NTM: variants seen among roughly 807,000 people sequenced by gnomAD.
The protein encoded by NTM is neurotrimin, also known as IgLON family member 2.
In NTM, 13 loss-of-function variants were observed where a neutral mutation model predicts 42.1. That is an observed-to-expected ratio of 0.31 (90% CI 0.20 to 0.49). The LOEUF (loss-of-function observed/expected upper bound fraction) is 0.49. Among genes scored for constraint, NTM ranks in the 20% least tolerant of loss-of-function variants. NTM has a pLI of 0.99. For missense variants in NTM, 373 were observed against 452.8 expected, an observed-to-expected ratio of 0.82 and a Z score of 1.60; for synonymous variants, 187 against 179.2, an observed-to-expected ratio of 1.04 and a Z score of -0.35.
intron 8 of NTM, among the ~76,000 whole-genome samples, chr11:132,331,445 G>C (rs1469181573): frequency 1.3e-5 from 2 of 152,182 alleles, no homozygotes; most frequent in African/African-American, 4.8e-5. Context: ...GGAAATTGAG[G>C]TAAGGCAGAG....
chr11:132,156,009 A>G (rs554671036), intron 3 of NTM, among the ~76,000 whole-genome samples: 1 of 152,160 alleles, frequency 6.6e-6, no homozygotes, highest in Non-Finnish European at 1.5e-5. Flanking sequence ...AAAATAATAA[A>G]GTCTTTTGAA....
intron 1 of NTM, among the ~76,000 whole-genome samples, chr11:131,564,385 C>T (rs943956771): frequency 3.2e-4 from 48 of 152,270 alleles, no homozygotes; most frequent in African/African-American, 1.1e-3. Flanking sequence ...CTCTTCCTGG[C>T]TTGCAGACAG....
intron 1 of NTM, among the ~76,000 whole-genome samples, chr11:131,816,982 T>C (rs2092979298): frequency 6.6e-6 from 1 of 152,240 alleles, no homozygotes; most frequent in Non-Finnish European, 1.5e-5. Context: ...CTGAAATTTT[T>C]AACTATTTCC....
intron 4 of NTM, among the ~76,000 whole-genome samples, chr11:132,240,944 T>G (rs2090086715): frequency 6.6e-6 from 1 of 152,210 alleles, no homozygotes; most frequent in African/African-American, 2.4e-5. Flanking sequence ...ACTGACATGA[T>G]ATCACAAATG....
chr11:132,298,686 A>G (rs1591825682), intron 4 of NTM, among the ~76,000 whole-genome samples: 1 of 152,222 alleles, frequency 6.6e-6, no homozygotes, highest in African/African-American at 2.4e-5. Flanking sequence ...ATATGAAGCT[A>G]ATTATTATTC....
intron 2 of NTM, among the ~76,000 whole-genome samples, chr11:132,022,328 A>G (rs190841985): frequency 5.3e-4 from 80 of 152,344 alleles, no homozygotes; most frequent in Non-Finnish European, 8.5e-4. Context: ...GTTTTCTTGG[A>G]CAGAATATTT....
At position 132,273,618 on chromosome 11, in the gene NTM, T is replaced by C. The variant is rs114994739; in HGVS notation, c.527-34071T>C. ...AAGTCCTATTTTGATTTTTAAAATA[T>C]CTCCTTGGCTGGGCGTGGTGGCTCA... On this transcript the variant is annotated intron_variant, in intron 4 of 8. Coordinates refer to ENST00000683400, the MANE Select transcript of NTM (RefSeq NM_001352005.2). Among the ~76,000 whole-genome samples the C allele has an allele frequency of 6.9e-3, 1,043 of 152,180 alleles. 15 individuals carry two copies. Among genetic ancestry groups the C allele is most frequent in the African/African-American group, 0.024 (1,004 of 41,528 alleles).
intron 1 of NTM, among the ~76,000 whole-genome samples, chr11:131,711,149 G>C (rs888268796): frequency 6.6e-6 from 1 of 152,152 alleles, no homozygotes; most frequent in Non-Finnish European, 1.5e-5. Flanking sequence ...TTAAACTAAA[G>C]CGCTTCTGCA....
chr11:131,472,487 ATGTGTG>A (rs907868919), intron 1 of NTM, among the ~76,000 whole-genome samples: 1 of 151,952 alleles, frequency 6.6e-6, no homozygotes, highest in Non-Finnish European at 1.5e-5. Flanking sequence ...ATGTGTGTGA[ATGTGTG>A]TGTGTGAGTG....
At chr11:132,090,815 G>T (rs1243740451) in intron 2 of NTM, among the ~76,000 whole-genome samples, 1 of 152,098 alleles carries the variant, frequency 6.6e-6, no homozygotes, top group Admixed American at 6.6e-5. Flanking sequence ...CTCCACTCCA[G>T]AAAAAATTCA....
chr11:131,785,974 T>C (rs1157073837), intron 1 of NTM, among the ~76,000 whole-genome samples: 3 of 152,178 alleles, frequency 2.0e-5, no homozygotes, highest in Non-Finnish European at 2.9e-5. Flanking sequence ...ATGCTTTAGA[T>C]ACCAGATGGA....
intron 1 of NTM, among the ~76,000 whole-genome samples, chr11:131,731,570 C>T (rs79566319): frequency 0.022 from 3,367 of 152,204 alleles, 129 homozygotes; most frequent in African/African-American, 0.076. Flanking sequence ...AGGTCATGGC[C>T]GGGGCACCAA....
At chr11:131,799,730 G>A (rs568930578) in intron 1 of NTM, among the ~76,000 whole-genome samples, 1 of 152,318 alleles carries the variant, frequency 6.6e-6, no homozygotes, top group East Asian at 1.9e-4. Flanking sequence ...GGGCACAGGA[G>A]AGGACCTATA....
intron 1 of NTM, among the ~76,000 whole-genome samples, chr11:131,821,198 T>C (rs528347105): frequency 6.6e-6 from 1 of 152,312 alleles, no homozygotes; most frequent in African/African-American, 2.4e-5. Flanking sequence ...CTATCCCAGG[T>C]ACCTAAGCTG....
At chr11:131,742,471 A>G (rs2081313824) in intron 1 of NTM, among the ~76,000 whole-genome samples, 1 of 152,170 alleles carries the variant, frequency 6.6e-6, no homozygotes, top group Admixed American at 6.5e-5. Flanking sequence ...AATACAGATA[A>G]AAAGCATACA....
At chr11:131,853,224 AT>A (rs1463806898) in intron 1 of NTM, among the ~76,000 whole-genome samples, 1 of 151,964 alleles carries the variant, frequency 6.6e-6, no homozygotes, top group African/African-American at 2.4e-5. Context: ...TAAGCAGACT[AT>A]TTCTTTTTTT....
At chr11:131,445,300 C>T (rs1053882297) in intron 1 of NTM, among the ~76,000 whole-genome samples, 7 of 152,216 alleles carry the variant, frequency 4.6e-5, no homozygotes, top group African/African-American at 1.7e-4. Context: ...ACACTATCAG[C>T]ACCCACTGAC....
intron 5 of NTM, among the ~76,000 whole-genome samples, chr11:132,308,599 A>C (rs1225963405): frequency 6.6e-6 from 1 of 151,636 alleles, no homozygotes; most frequent in African/African-American, 2.4e-5. Context: ...AAGCAATAGA[A>C]CTCAATAACT....
At position 132,098,278 on chromosome 11, in the gene NTM, T is replaced by TCC. The variant is rs34201124; in HGVS notation, c.168-48000_168-47999dup. Among the ~76,000 whole-genome samples, 4 of 152,008 alleles carry TCC rather than the reference T, an allele frequency of 2.6e-5. No individual in the cohort carries two copies. The South Asian group carries it at 6.2e-4, about 24-fold the overall frequency. On this transcript the variant is annotated intron_variant, in intron 2 of 8. Coordinates refer to ENST00000683400, the MANE Select transcript of NTM (RefSeq NM_001352005.2). ...GCTGTGCTTGATGTAATTAGTATAT[T>TCC]CCCCCAAAATTGTGACTCATGATAA...
Sources: allele counts gnomAD v4.1 joint callset (sites outside exome capture counted in the v4.1 genomes callset), GRCh38; gene constraint gnomAD v4.1.1; transcripts MANE v1.5; gene names NCBI Gene and HGNC (gene_info 2026-07-23, HGNC 2026-07-21).